Variants in MYH11 observed in about 807,000 individuals in gnomAD.
The protein encoded by MYH11 is myosin-11.
A neutral mutation model predicts 246.6 loss-of-function variants in MYH11; 80 were observed. That is an observed-to-expected ratio of 0.32 (90% CI 0.27 to 0.39). MYH11 has a LOEUF of 0.39. MYH11 is among the 10% of genes least tolerant of loss of function. The pLI, the probability that MYH11 is intolerant of heterozygous loss-of-function variation, is 1.00. For missense variants in MYH11, 2,158 were observed against 2,546.8 expected (o/e 0.85, Z 3.29); for synonymous variants, 1,071 against 1,015.5 (o/e 1.05, Z -1.04).
intron 10 of MYH11, among the ~76,000 whole-genome samples, chr16:15,763,361 T>C (rs528975777): frequency 7.8e-4 from 119 of 151,968 alleles, no homozygotes; most frequent in Non-Finnish European, 1.5e-3. Context: ...AGTGGGGTAT[T>C]TTAGAAGAGA....
chr16:15,727,102 G>C, intron 27 of MYH11, 48 bp from the exon 28 acceptor site: 1 of 1,585,782 alleles, frequency 6.3e-7, no homozygotes, highest in Non-Finnish European at 8.6e-7. Flanking sequence ...CTGTGGCCGG[G>C]AGAACGTTTC....
At chr16:15,735,319 A>G in intron 26 of MYH11, 47 bp downstream of exon 26, 2 of 1,603,786 alleles carry the variant, frequency 1.2e-6, no homozygotes, top group African/African-American at 1.3e-5. Context: ...CCCCCATCCC[A>G]TTGGTGCAGT....
At chr16:15,732,966 G>A (rs2041010894) in intron 26 of MYH11, 1 of 566,574 alleles carries the variant, frequency 1.8e-6, no homozygotes, top group East Asian at 3.0e-5. Context: ...AGAATTGAAA[G>A]GATGTCTGTG....
At chr16:15,812,848 G>C (rs940113634) in intron 3 of MYH11, among the ~76,000 whole-genome samples, 139 of 151,596 alleles carry the variant, frequency 9.2e-4, no homozygotes, top group Non-Finnish European at 1.5e-3. Context: ...ACTCTAGCCT[G>C]GGTGACAAAG....
At chr16:15,722,111 G>A (rs1013003753) in intron 31 of MYH11, among the ~76,000 whole-genome samples, 13 of 151,856 alleles carry the variant, frequency 8.6e-5, no homozygotes, top group South Asian at 2.1e-4. Context: ...CTCCTGCCTC[G>A]GCCTCCCAAA....
intron 40 of MYH11, among the ~76,000 whole-genome samples, chr16:15,705,250 G>C (rs1037427052): frequency 2.0e-5 from 3 of 152,170 alleles, no homozygotes; most frequent in Non-Finnish European, 4.4e-5. Context: ...TCAAAGTGTT[G>C]GGATTACAGG....
At chr16:15,740,574 G>A (rs991244588) in intron 22 of MYH11, among the ~76,000 whole-genome samples, 5 of 149,882 alleles carry the variant, frequency 3.3e-5, no homozygotes, top group Non-Finnish European at 7.4e-5. Context: ...TCGCACCATC[G>A]CACCCCAGCC....
chr16:15,854,072 T>C (rs1030225315), intron 1 of MYH11, among the ~76,000 whole-genome samples: 3 of 152,148 alleles, frequency 2.0e-5, no homozygotes, highest in Admixed American at 1.3e-4. Context: ...TAATTGGAAT[T>C]TGTAACATTC....
chr16:15,815,073 G>A (rs1329201259), intron 3 of MYH11, among the ~76,000 whole-genome samples: 9 of 152,150 alleles, frequency 5.9e-5, no homozygotes, highest in Admixed American at 3.9e-4. Flanking sequence ...ACTGAAAGAC[G>A]AAACAGAAGT....
intron 40 of MYH11, chr16:15,708,725 GTGGGCAGAGGGGCGCAT>G: frequency 6.9e-7 from 1 of 1,447,436 alleles, no homozygotes; most frequent in South Asian, 1.2e-5. Context: ...AAAAATTGGG[GTGGGCAGAGGGGCGCAT>G]TGGGCAGAAA....
At chr16:15,825,303 C>T (rs1006846262) in intron 2 of MYH11, among the ~76,000 whole-genome samples, 1 of 149,334 alleles carries the variant, frequency 6.7e-6, no homozygotes, top group Non-Finnish European at 1.5e-5. Context: ...AATCCCAGCA[C>T]TTTGGGAGGC....
Position 15,721,002 on chromosome 16 carries a change from T to G in MYH11, c.4628A>C (p.Glu1543Ala), listed in dbSNP as rs1555551985. 1.2e-6 allele frequency: 2 copies of G among 1,614,016 alleles called. No homozygotes were observed. Among genetic ancestry groups the G allele is most frequent in the Non-Finnish European group, 1.7e-6 (2 of 1,180,012 alleles). ...CAGCTCTTCCAGCTGCGTCTTCATC[T>G]CCTCCATCTGGGTCTCCAGGGCCCG... ...SKRALETQME[E>A]MKTQLEELED... is the part of the protein sequence containing the mutation. Residue 1543 changes from glutamate (E) to alanine (A), a missense_variant, in exon 33 of 41, where the codon GAG becomes GCG. Glu to Ala is a moderately radical substitution (Grantham distance 107, BLOSUM62 -1). Around this residue, in one of 11 missense-constraint regions of MYH11, gnomAD observed 1,013 missense variants for 993.5 expected, o/e 1.02. Transcript: ENST00000300036.
chr16:15,799,095 T>C (rs1158248682), intron 3 of MYH11, among the ~76,000 whole-genome samples: 1 of 152,204 alleles, frequency 6.6e-6, no homozygotes, highest in Non-Finnish European at 1.5e-5. Context: ...ACTCCATGCC[T>C]CAGTTCCTTC....
chr16:15,706,249 C>G (rs2039448390), intron 40 of MYH11, among the ~76,000 whole-genome samples: 1 of 152,200 alleles, frequency 6.6e-6, no homozygotes, highest in Non-Finnish European at 1.5e-5. Flanking sequence ...CCATCCTTCT[C>G]TCTCTAGATG....
intron 2 of MYH11, among the ~76,000 whole-genome samples, chr16:15,829,861 G>T (rs541995398): frequency 2.0e-5 from 3 of 152,154 alleles, no homozygotes; most frequent in Non-Finnish European, 2.9e-5. Context: ...ATGGCCGGGC[G>T]CAGTGGCTCA....
intron 4 of MYH11, among the ~76,000 whole-genome samples, chr16:15,798,104 T>C (rs1317716142): frequency 1.3e-5 from 2 of 152,184 alleles, no homozygotes; most frequent in Non-Finnish European, 2.9e-5. Flanking sequence ...ATCAACAATA[T>C]ATATTAATAT....
intron 2 of MYH11, among the ~76,000 whole-genome samples, chr16:15,833,650 G>C (rs1252078090): frequency 6.6e-6 from 1 of 152,154 alleles, no homozygotes; most frequent in Non-Finnish European, 1.5e-5. Context: ...GAGCACAAGA[G>C]GTCTGCCAGA....
chr16:15,704,232 AT>A (rs372266248), intron 40 of MYH11, 109 bp from the exon 41 acceptor site: 47 of 1,349,590 alleles, frequency 3.5e-5, no homozygotes, highest in African/African-American at 2.1e-4. Flanking sequence ...TGCAATATAA[AT>A]TTTTTTTATG....
At chr16:15,772,794 G>A (rs1266091373) in intron 8 of MYH11, among the ~76,000 whole-genome samples, 1 of 152,138 alleles carries the variant, frequency 6.6e-6, no homozygotes, top group Non-Finnish European at 1.5e-5. Flanking sequence ...TTGCATCACT[G>A]TCTGAGCTCC....
Sources: allele counts gnomAD v4.1 joint callset (sites outside exome capture counted in the v4.1 genomes callset), GRCh38; gene constraint gnomAD v4.1.1; regional missense constraint gnomAD v4.1.1; transcripts MANE v1.5; gene names NCBI Gene and HGNC (gene_info 2026-07-23, HGNC 2026-07-21).